The following PIK3C2G variants were observed in gnomAD, a reference collection of about 807,000 sequenced individuals.
PIK3C2G encodes phosphatidylinositol 3-kinase C2 domain-containing subunit gamma.
In PIK3C2G, 168 loss-of-function variants were observed where a neutral mutation model predicts 181.1. That is an observed-to-expected ratio of 0.93 (90% CI 0.82 to 1.05). PIK3C2G has a LOEUF of 1.05. Ranked by LOEUF, PIK3C2G falls within the 50% of genes least tolerant of loss-of-function variation. PIK3C2G has a pLI of 0.00. For missense variants in PIK3C2G, 1,869 were observed against 1,732.8 expected (o/e 1.08, Z -1.40); for synonymous variants, 573 against 592.2 (o/e 0.97, Z 0.47).
downstream of PIK3C2G, among the ~76,000 whole-genome samples, chr12:18,649,530 C>T (rs1410134548): frequency 2.0e-5 from 3 of 152,094 alleles, no homozygotes; most frequent in Admixed American, 6.6e-5. Context: ...TACCCCACTT[C>T]CCTGCCAATT....
chr12:18,475,000 G>C (rs1938827602), intron 18 of PIK3C2G, among the ~76,000 whole-genome samples: 1 of 152,024 alleles, frequency 6.6e-6, no homozygotes. Flanking sequence ...TTAAGGCAAG[G>C]CTCTTAAAAC....
chr12:18,265,771 T>C (rs1323252900), intron 1 of PIK3C2G, among the ~76,000 whole-genome samples: 1 of 152,058 alleles, frequency 6.6e-6, no homozygotes, highest in East Asian at 1.9e-4. Flanking sequence ...CCCAGCACTT[T>C]GGGAGGCTGA....
rs148947091 is a variant in PIK3C2G at position 18,464,573 on chromosome 12, T to G, written c.2505-23876T>G. Among the ~76,000 whole-genome samples the G allele has an allele frequency of 3.0e-3, 463 of 152,222 alleles. 8 individuals are homozygous for G. The South Asian group carries it at 0.032, about 11-fold the overall frequency. On this transcript the variant is annotated intron_variant, in intron 18 of 32. Coordinates refer to ENST00000538779, the MANE Select transcript of PIK3C2G (RefSeq NM_001288772.2). ...GCCAATCATATTCATTTAATCTTTC[T>G]CATCAGAAGAAGAAATGACTTTAAT...
intron 16 of PIK3C2G, among the ~76,000 whole-genome samples, chr12:18,401,810 C>T (rs1944265300): frequency 6.6e-6 from 1 of 152,010 alleles, no homozygotes; most frequent in Admixed American, 6.6e-5. Context: ...AATCACCTAA[C>T]ACCTAAGATA....
chr12:18,275,670 CA>C (rs1489312295), intron 1 of PIK3C2G, among the ~76,000 whole-genome samples: 11 of 152,174 alleles, frequency 7.2e-5, no homozygotes, highest in African/African-American at 2.7e-4. Flanking sequence ...CGTGGGCCAC[CA>C]TGCCTGGCCT....
intron 18 of PIK3C2G, among the ~76,000 whole-genome samples, chr12:18,484,283 C>A (rs1406936526): frequency 1.3e-5 from 2 of 152,096 alleles, no homozygotes; most frequent in East Asian, 1.9e-4. Context: ...GTGGGAACAT[C>A]ATGAATATAT....
At chr12:18,515,153 A>T (rs1942452049) in intron 24 of PIK3C2G, among the ~76,000 whole-genome samples, 1 of 151,548 alleles carries the variant, frequency 6.6e-6, no homozygotes, top group African/African-American at 2.4e-5. Context: ...TTTGTTGGGG[A>T]TTTTTGCATC....
At chr12:18,578,940 T>G (rs1360810159) in intron 29 of PIK3C2G, among the ~76,000 whole-genome samples, 1 of 152,104 alleles carries the variant, frequency 6.6e-6, no homozygotes, top group Admixed American at 6.5e-5. Flanking sequence ...CTAAAATGTT[T>G]TTCACATTTT....
intron 24 of PIK3C2G, among the ~76,000 whole-genome samples, chr12:18,508,237 G>A (rs1250641341): frequency 6.6e-6 from 1 of 152,118 alleles, no homozygotes; most frequent in East Asian, 1.9e-4. Context: ...AAGGCTCATT[G>A]GCAGTGTCTC....
intron 29 of PIK3C2G, 89 bp from the exon 30 acceptor site, chr12:18,594,405 A>G: frequency 1.4e-6 from 1 of 704,590 alleles, no homozygotes; most frequent in Non-Finnish European, 2.3e-6. Context: ...TCTATTTTAA[A>G]ATGATATATA....
intron 15 of PIK3C2G, among the ~76,000 whole-genome samples, chr12:18,395,259 T>C (rs1020250317): frequency 3.3e-5 from 5 of 150,734 alleles, no homozygotes; most frequent in Admixed American, 1.3e-4. Context: ...AAATTCCATA[T>C]AGAGAAACAA....
At chr12:18,300,410 T>A (rs1340395380) in intron 5 of PIK3C2G, among the ~76,000 whole-genome samples, 2 of 152,014 alleles carry the variant, frequency 1.3e-5, no homozygotes, top group Non-Finnish European at 2.9e-5. Context: ...TTCACTTAAG[T>A]CTATTTTATC....
At chr12:18,621,618 T>C (rs1948869082) in intron 31 of PIK3C2G, among the ~76,000 whole-genome samples, 1 of 151,766 alleles carries the variant, frequency 6.6e-6, no homozygotes, top group Non-Finnish European at 1.5e-5. Context: ...ATAACAAGAT[T>C]ATTATACTAG....
intron 30 of PIK3C2G, among the ~76,000 whole-genome samples, chr12:18,597,807 A>ATG (rs1229057229): frequency 3.9e-5 from 6 of 151,990 alleles, no homozygotes; most frequent in African/African-American, 1.4e-4. Context: ...AAGTCTCAGG[A>ATG]TACAAAATCA....
intron 18 of PIK3C2G, among the ~76,000 whole-genome samples, chr12:18,483,423 T>C (rs1939744380): frequency 6.6e-6 from 1 of 152,164 alleles, no homozygotes; most frequent in Non-Finnish European, 1.5e-5. Context: ...AGTATGTTAG[T>C]AGTAATAAAA....
intron 6 of PIK3C2G, among the ~76,000 whole-genome samples, chr12:18,320,294 C>T (rs912504949): frequency 1.3e-5 from 2 of 152,074 alleles, no homozygotes; most frequent in African/African-American, 2.4e-5. Flanking sequence ...TGCCCTGTTG[C>T]AGGAGAGCTG....
At chr12:18,337,609 G>A (rs1938657077) in intron 8 of PIK3C2G, among the ~76,000 whole-genome samples, 1 of 152,072 alleles carries the variant, frequency 6.6e-6, no homozygotes, top group Non-Finnish European at 1.5e-5. Context: ...TGTCTCACGT[G>A]GCGAGAGCTG....
chr12:18,545,909 A>C (rs947020444), intron 25 of PIK3C2G, among the ~76,000 whole-genome samples: 1 of 151,930 alleles, frequency 6.6e-6, no homozygotes, highest in Admixed American at 6.6e-5. Context: ...GTAATGTATA[A>C]ACCTCTTTCT....
chr12:18,303,020 C>G (rs550670048), intron 5 of PIK3C2G, among the ~76,000 whole-genome samples: 136 of 152,294 alleles, frequency 8.9e-4, no homozygotes, highest in Middle Eastern at 6.8e-3. Context: ...TCAGACCCCC[C>G]AGTGGTACAC....
Sources: gnomAD v4.1 joint callset for allele counts (sites outside exome capture counted in the v4.1 genomes callset) on GRCh38, gnomAD v4.1.1 for gene constraint, MANE v1.5 for transcripts, NCBI Gene and HGNC (gene_info 2026-07-23, HGNC 2026-07-21) for gene names.